Variants in GNAS observed in about 807,000 individuals in gnomAD.
GNAS encodes GNAS complex locus.
GNAS carries 8 observed loss-of-function variants against 54.5 expected under a neutral mutation model. The observed-to-expected ratio is 0.15, with a 90% CI of 0.09 to 0.26. GNAS has a LOEUF of 0.26. Among genes scored for constraint, GNAS ranks in the 10% least tolerant of loss-of-function variants. The probability of loss-of-function intolerance (pLI) is 1.00; values close to 1 mark genes in which losing one functional copy is unlikely to be tolerated. For missense variants in GNAS, 170 were observed against 529.8 expected, an observed-to-expected ratio of 0.32 and a Z score of 6.67; for synonymous variants, 204 against 191.4, an observed-to-expected ratio of 1.07 and a Z score of -0.54.
intron 1 of GNAS, chr20:58,855,119 C>T: frequency 1.9e-6 from 3 of 1,613,722 alleles, no homozygotes; most frequent in Non-Finnish European, 2.5e-6. Context: ...CCTTCGGGGG[C>T]TGCTTCGGTC....
At chr20:58,882,226 G>A (rs1006489742) in intron 1 of GNAS, among the ~76,000 whole-genome samples, 1 of 152,138 alleles carries the variant, frequency 6.6e-6, no homozygotes, top group Admixed American at 6.5e-5. Flanking sequence ...CCGCCACTGC[G>A]CCCGGCTAAT....
In GNAS at chr20:58,910,202, GA is replaced by G; in HGVS notation, c.970+126del. Reference sequence around the variant, plus strand: ...CATAAAGGATCTATAAGAGAAGCAAGAAAAACGCACTCCCACTAATTCTCAT... The same window carrying G: ...CATAAAGGATCTATAAGAGAAGCAAGAAAACGCACTCCCACTAATTCTCAT... On this transcript the variant is annotated intron_variant, in intron 11 of 12. Coordinates refer to ENST00000371085, the MANE Select transcript of GNAS (RefSeq NM_000516.7). The surrounding 1 kb of genome is among the most constrained non-coding windows in gnomAD (Gnocchi z 5.8). 1 of 1,319,670 alleles carries G rather than the reference GA, an allele frequency of 7.6e-7. No individual in the cohort carries two copies. The allele number at this position is 1,319,670 out of a possible 1,614,324, so 81.7% of individuals were successfully genotyped here.
Position 58,899,032 on chromosome 20 carries a change from C to T in GNAS, c.257+47C>T, listed in dbSNP as rs747786815. The T allele has an allele frequency of 4.2e-6, 6 of 1,424,750 alleles. No homozygotes were observed. The South Asian group carries it at 6.9e-5, about 16-fold the overall frequency. The allele number at this position is 1,424,750 out of a possible 1,614,324, so 88.3% of individuals were successfully genotyped here. On this transcript the variant is annotated intron_variant, in intron 3 of 12. Coordinates refer to ENST00000371085, the MANE Select transcript of GNAS (RefSeq NM_000516.7). ...AAAAATTGTTAACAAACCAAACAAA[C>T]ATGAAGATCATACTGGGAAACTGAG...
chr20:58,898,736 C>A, intron 2 of GNAS: 1 of 648,810 alleles, frequency 1.5e-6, no homozygotes, highest in South Asian at 1.7e-5. Context: ...GTGTGGGATT[C>A]TTCCCCCATG....
At chr20:58,875,623 C>T (rs1031830309) in intron 1 of GNAS, among the ~76,000 whole-genome samples, 1 of 152,200 alleles carries the variant, frequency 6.6e-6, no homozygotes, top group African/African-American at 2.4e-5. Flanking sequence ...CACGTGGACC[C>T]CTCACACCAG....
chr20:58,888,021 A>G (rs568901694), upstream of GNAS, among the ~76,000 whole-genome samples: 1 of 152,346 alleles, frequency 6.6e-6, no homozygotes, highest in East Asian at 1.9e-4. Context: ...AAATGATACA[A>G]GTTTGCTCAA....
At chr20:58,898,879 G>C in intron 2 of GNAS, 62 bp from the exon 3 acceptor site, 1 of 1,328,634 alleles carries the variant, frequency 7.5e-7, no homozygotes, top group South Asian at 1.2e-5. Context: ...GAGACTGTGT[G>C]GGGTTTGTGT....
At chr20:58,907,235 A>G (rs185585749) in intron 6 of GNAS, among the ~76,000 whole-genome samples, 75 of 152,272 alleles carry the variant, frequency 4.9e-4, no homozygotes, top group Admixed American at 1.4e-3. Context: ...TTTATTTTCA[A>G]TTGCCACATA....
intron 1 of GNAS, among the ~76,000 whole-genome samples, chr20:58,877,368 A>G (rs1178625950): frequency 6.6e-6 from 1 of 152,160 alleles, no homozygotes; most frequent in Non-Finnish European, 1.5e-5. Context: ...AATGGTGAAT[A>G]GGATGGCCCA....
At chr20:58,883,422 C>T (rs1030192354) in intron 1 of GNAS, among the ~76,000 whole-genome samples, 3 of 152,076 alleles carry the variant, frequency 2.0e-5, no homozygotes, top group Non-Finnish European at 2.9e-5. Flanking sequence ...TATTGGGCGG[C>T]GTGACAGAGA....
chr20:58,851,000 G>C (rs546850653), intron 1 of GNAS: 4 of 398,232 alleles, frequency 1.0e-5, no homozygotes, highest in Non-Finnish European at 1.8e-5. Context: ...TGGCTGACCC[G>C]GCGCTGGGGT....
chr20:58,884,765 G>A (rs2145817897), intron 1 of GNAS: 1 of 152,330 alleles, frequency 6.6e-6, no homozygotes, highest in Non-Finnish European at 1.5e-5. Flanking sequence ...CCGTAGAGCG[G>A]CAAAACTCTT....
upstream of GNAS, among the ~76,000 whole-genome samples, chr20:58,888,155 G>A (rs887853248): frequency 6.6e-6 from 1 of 152,100 alleles, no homozygotes; most frequent in African/African-American, 2.4e-5. Context: ...GCTCTGTTAA[G>A]AAGTCAAAGA....
rs752380602 is a variant in GNAS, at chr20:58,909,333, C to T, written c.586-17C>T. 4.4e-6 allele frequency: 7 copies of T among 1,603,788 alleles called. No homozygotes were observed. The South Asian group carries it at 4.4e-5, about 10-fold the overall frequency. The stretch of plus-strand genomic sequence containing the variant: ...GGTTGGCTTTGGTGAGATCCATTGA[C>T]CTCAATTTTGTTTCAGGACCTGCTT... On this transcript the variant is annotated splice_polypyrimidine_tract_variant and intron_variant, in intron 7 of 12. Transcript: ENST00000371085. This position sits in a 1 kb window ranked among gnomAD's most constrained non-coding sequence, Gnocchi z 7.3.
At chr20:58,840,216 G>T (rs975964450), upstream of GNAS, 1 of 1,610,798 alleles carries the variant, frequency 6.2e-7, no homozygotes, top group African/African-American at 1.3e-5. The surrounding 1 kb of genome is among the most constrained non-coding windows in gnomAD (Gnocchi z 6.0). Context: ...TGGCTCTCCT[G>T]CTCCATCGCG....
rs1048874011 is a variant in GNAS, at chr20:58,841,739, G to T, written c.43+853G>T. On this transcript the variant is annotated intron_variant, in intron 1 of 12. Coordinates refer to the GNAS transcript ENST00000306090. The surrounding 1 kb of genome is among the most constrained non-coding windows in gnomAD (Gnocchi z 5.0). ...CGGGCTACCAGGGTTGAACGCACAG[G>T]CATGGTCACGTCGGGGTATTGCCAA... is the stretch of plus-strand genomic sequence containing the variant. 4.4e-5 allele frequency: 54 copies of T among 1,226,566 alleles called. No homozygotes were observed. The African/African-American group carries it at 6.8e-4, about 16-fold the overall frequency. 76.0% of individuals were successfully genotyped at this position (1,226,566 alleles called of 1,614,324 possible).
chr20:58,902,075 G>A (rs2090663024), intron 3 of GNAS, among the ~76,000 whole-genome samples: 2 of 151,718 alleles, frequency 1.3e-5, no homozygotes, highest in East Asian at 3.9e-4. Flanking sequence ...CCGTGAAAAA[G>A]ATAAACTCTG....
intron 1 of GNAS, 36 bp downstream of exon 1, chr20:58,891,901 G>T: frequency 2.9e-6 from 3 of 1,044,676 alleles, no homozygotes; most frequent in Non-Finnish European, 2.3e-6. Context: ...CCCGGCCCGG[G>T]GGCCCTCGAA....
chr20:58,854,949 C>A (rs1278876119), intron 1 of GNAS: 1 of 1,608,830 alleles, frequency 6.2e-7, no homozygotes, highest in Non-Finnish European at 8.5e-7. Context: ...CCGCGGCCGC[C>A]GCGTGTACTA....
Sources: allele counts gnomAD v4.1 joint callset (sites outside exome capture counted in the v4.1 genomes callset), GRCh38; gene constraint gnomAD v4.1.1; non-coding constraint Gnocchi (gnomAD v3.1); transcripts MANE v1.5; gene names NCBI Gene and HGNC (gene_info 2026-07-23, HGNC 2026-07-21).